The following NKAIN4 variants were observed in gnomAD, a reference collection of about 807,000 sequenced individuals.
NKAIN4 encodes the protein sodium/potassium transporting ATPase interacting 4.
NKAIN4 carries 28 observed loss-of-function variants against 28.8 expected under a neutral mutation model. That is an observed-to-expected ratio of 0.97 (90% CI 0.72 to 1.33). The LOEUF (loss-of-function observed/expected upper bound fraction) is 1.33. Among genes scored for constraint, NKAIN4 ranks in the 40% most tolerant of loss-of-function variants. The probability of loss-of-function intolerance (pLI) is 0.00; values close to 1 mark genes in which losing one functional copy is unlikely to be tolerated. For missense variants in NKAIN4, 289 were observed against 277.2 expected (o/e 1.04, Z -0.30); for synonymous variants, 122 against 115.6 (o/e 1.06, Z -0.36).
intron 5 of NKAIN4, among the ~76,000 whole-genome samples, chr20:63,243,669 GC>G (rs1158230749): frequency 6.6e-6 from 1 of 152,180 alleles, no homozygotes; most frequent in Non-Finnish European, 1.5e-5. Context: ...CTGGCCATGG[GC>G]CCGGTTCCGA....
Position 63,246,483 on chromosome 20 carries a change from C to T in NKAIN4, c.471+1095G>A, listed in dbSNP as rs2066859748. 1.8e-5 allele frequency: 18 copies of T among 984,636 alleles called. No individual in the cohort carries two copies. In the Admixed American group the frequency reaches 1.8e-4, roughly 10 times the overall value. 61.0% of individuals were successfully genotyped at this position (984,636 alleles called of 1,614,324 possible). A position where few individuals can be genotyped will look rare whatever the true frequency, so the allele number is the denominator to read the frequency against. ...GGCCTGATTTCCTGCAGGACCAGAGCAGAGCCCAGGAAGGAGCCCCGGGAG... is the reference window on the plus strand; with the variant it reads ...GGCCTGATTTCCTGCAGGACCAGAGTAGAGCCCAGGAAGGAGCCCCGGGAG... On this transcript the variant is annotated intron_variant, in intron 4 of 6. Transcript: ENST00000370316.
Position 63,240,882 on chromosome 20 carries a change from T to C in NKAIN4, c.*615A>G, listed in dbSNP as rs1006422886. ...CCCCCTTTACAAGAGTACTGCCTGC[T>C]CGTCACCACCATGTGCCCTGCCCTA... On this transcript the variant is annotated 3_prime_UTR_variant, in exon 7 of 7. Transcript: ENST00000370316. The C allele has an allele frequency of 1.3e-5, 2 of 152,760 alleles. No homozygotes were observed. Among genetic ancestry groups the C allele is most frequent in the Non-Finnish European group, 2.9e-5 (2 of 68,456 alleles). 9.5% of individuals were successfully genotyped at this position (152,760 alleles called of 1,614,324 possible).
chr20:63,243,845 C>A (rs1022890932), intron 5 of NKAIN4, 179 bp downstream of exon 5: 1 of 584,986 alleles, frequency 1.7e-6, no homozygotes, highest in Admixed American at 3.0e-5. Flanking sequence ...CTCTGCTAAT[C>A]TCTTCCCTGG....
Position 63,247,839 on chromosome 20 carries a change from A to C in NKAIN4, c.274-64T>G, listed in dbSNP as rs2066889605. The C allele has an allele frequency of 2.8e-6, 4 of 1,409,168 alleles. No individual in the cohort carries two copies. In the African/African-American group the frequency reaches 5.8e-5, roughly 20 times the overall value. 87.3% of individuals were successfully genotyped at this position (1,409,168 alleles called of 1,614,324 possible). ...GGAGGTGGGCGGCCTCACCCACTGCAGCCTGCGGGGACGCCACCACACCGA... is the reference window on the plus strand; with the variant it reads ...GGAGGTGGGCGGCCTCACCCACTGCCGCCTGCGGGGACGCCACCACACCGA... On this transcript the variant is annotated intron_variant, in intron 3 of 6. Transcript: ENST00000370316.
chr20:63,250,569 A>AT (rs2066939215), intron 1 of NKAIN4, among the ~76,000 whole-genome samples: 1 of 133,658 alleles, frequency 7.5e-6, no homozygotes, highest in Non-Finnish European at 1.8e-5. Context: ...TGCTGCCTGC[A>AT]TCTCGGCCTT....
chr20:63,246,714 C>G (rs2066864623), intron 4 of NKAIN4: 1 of 985,290 alleles, frequency 1.0e-6, no homozygotes, highest in East Asian at 1.1e-4. Flanking sequence ...GCGACGGCAC[C>G]AGCCGTGCTG....
chr20:63,246,119 A>G (rs576351960), intron 4 of NKAIN4, among the ~76,000 whole-genome samples: 18 of 152,230 alleles, frequency 1.2e-4, no homozygotes, highest in Middle Eastern at 3.4e-3. Flanking sequence ...TAGTAGAGAC[A>G]GGGTTTCACC....
At chr20:63,253,638 C>T (rs1372109698) in intron 1 of NKAIN4, among the ~76,000 whole-genome samples, 1 of 152,332 alleles carries the variant, frequency 6.6e-6, no homozygotes, top group East Asian at 1.9e-4. Context: ...CTTTGTTTAG[C>T]CCCCTCCCCC....
At chr20:63,249,162 G>A (rs1369941653) in intron 2 of NKAIN4, 7 of 472,198 alleles carry the variant, frequency 1.5e-5, no homozygotes, top group South Asian at 6.2e-5. Flanking sequence ...GTCGGCGTAC[G>A]GACACAGCAT....
chr20:63,254,807 T>A (rs947384887), upstream of NKAIN4: 4 of 203,990 alleles, frequency 2.0e-5, no homozygotes, highest in African/African-American at 2.3e-5. Flanking sequence ...CGCCCCCTCC[T>A]GCAGGATGAC....
intron 1 of NKAIN4, among the ~76,000 whole-genome samples, chr20:63,253,628 C>G (rs1054010678): frequency 6.6e-6 from 1 of 152,208 alleles, no homozygotes; most frequent in Admixed American, 6.5e-5. Flanking sequence ...CAGGCGAGGC[C>G]TTTGTTTAGC....
In NKAIN4 at chr20:63,247,571, C is replaced by T. The variant is rs530669517; in HGVS notation, c.471+7G>A. The T allele has an allele frequency of 3.8e-4, 588 of 1,546,170 alleles. No individual in the cohort carries two copies. Among genetic ancestry groups the T allele is most frequent in the Non-Finnish European group, 4.6e-4 (530 of 1,144,472 alleles). ...CCCCACCCGGGGGCCCCCTTCCCCA[C>T]GCTCACCGCGATCAGGATCTGCAGG... is the stretch of plus-strand genomic sequence containing the variant. On this transcript the variant is annotated splice_region_variant and intron_variant, in intron 4 of 6. Coordinates refer to ENST00000370316, the MANE Select transcript of NKAIN4 (RefSeq NM_152864.4).
At chr20:63,244,473 T>C (rs1412586015) in intron 4 of NKAIN4, 1 of 479,116 alleles carries the variant, frequency 2.1e-6, no homozygotes, top group Non-Finnish European at 4.3e-6. Context: ...CTCTTGCCTT[T>C]GGCCCCAGCC....
chr20:63,249,121 G>A lies in NKAIN4; in HGVS notation c.193-226C>T, dbSNP rs529888081. The A allele has an allele frequency of 3.7e-5, 20 of 536,736 alleles. No homozygotes were observed. In the African/African-American group the frequency reaches 3.8e-4, roughly 10 times the overall value. The allele number at this position is 536,736 out of a possible 1,614,324, so 33.2% of individuals were successfully genotyped here. ...TGGGTGCCCCGGGAATGAGGCGGTG[G>A]GACAGCCAGCTCAAGGGAGCCCCAG... On this transcript the variant is annotated intron_variant, in intron 2 of 6. Coordinates refer to ENST00000370316, the MANE Select transcript of NKAIN4 (RefSeq NM_152864.4).
intron 4 of NKAIN4, chr20:63,247,008 C>G: frequency 1.0e-6 from 1 of 999,318 alleles, no homozygotes; most frequent in Non-Finnish European, 1.2e-6. Context: ...CGTTCCCGCA[C>G]AAGCAACAGC....
chr20:63,247,622 T>C lies in NKAIN4; in HGVS notation c.427A>G (p.Ser143Gly). The C allele has an allele frequency of 1.3e-6, 2 of 1,547,626 alleles. No individual in the cohort carries two copies. The highest frequency in any genetic ancestry group is 1.7e-6 in the Non-Finnish European group (2 of 1,145,460). ...CAACTGTGTAGGGCCTCCACATAGC[T>C]GGGCTCCAGGGCACAGCCAGCACCT... ...VSGAGCALEP[S>G]YVEALHSCLQ... The change falls in exon 4 of 7, where the codon AGC becomes GGC. Residue 143 changes from serine to glycine, a missense_variant. Coordinates refer to ENST00000370316, the MANE Select transcript of NKAIN4 (RefSeq NM_152864.4).
intron 5 of NKAIN4, 85 bp downstream of exon 5, chr20:63,243,939 C>T (rs529628504): frequency 3.2e-5 from 38 of 1,186,114 alleles, no homozygotes; most frequent in Middle Eastern, 3.9e-4. Context: ...GGAGGTCTCT[C>T]GCCTTGCCCC....
chr20:63,243,940 G>T, intron 5 of NKAIN4, 84 bp downstream of exon 5: 2 of 1,197,582 alleles, frequency 1.7e-6, no homozygotes, highest in Non-Finnish European at 2.4e-6. Context: ...GAGGTCTCTC[G>T]CCTTGCCCCA....
chr20:63,243,324 G>C (rs960896254), intron 5 of NKAIN4, among the ~76,000 whole-genome samples: 1 of 152,078 alleles, frequency 6.6e-6, no homozygotes, highest in Non-Finnish European at 1.5e-5. Flanking sequence ...GGTGCCCTTT[G>C]ACACGTGGAC....
Sources: allele counts gnomAD v4.1 joint callset (sites outside exome capture counted in the v4.1 genomes callset), GRCh38; gene constraint gnomAD v4.1.1; transcripts MANE v1.5; gene names NCBI Gene and HGNC (gene_info 2026-07-23, HGNC 2026-07-21).